FARS2: variants seen among roughly 807,000 people sequenced by gnomAD.
FARS2 encodes phenylalanine--tRNA ligase, mitochondrial.
FARS2 carries 40 observed loss-of-function variants against 46.4 expected under a neutral mutation model. The observed-to-expected ratio is 0.86, with a 90% confidence interval of 0.67 to 1.12. FARS2 has a LOEUF of 1.12. Among genes scored for constraint, FARS2 ranks in the 50% most tolerant of loss-of-function variants. The pLI is 0.00. For missense variants in FARS2, 513 were observed against 567.9 expected (o/e 0.90, Z 0.98); for synonymous variants, 234 against 214.9 (o/e 1.09, Z -0.78).
intron 1 of FARS2, among the ~76,000 whole-genome samples, chr6:5,353,609 G>A (rs1016813110): frequency 4.6e-5 from 7 of 151,496 alleles, no homozygotes; most frequent in African/African-American, 7.3e-5. Flanking sequence ...GTCTCATTGT[G>A]GTTTTGATTT....
At chr6:5,529,369 A>G (rs1769673851) in intron 4 of FARS2, among the ~76,000 whole-genome samples, 1 of 152,140 alleles carries the variant, frequency 6.6e-6, no homozygotes, top group Admixed American at 6.5e-5. Context: ...GTGCAGTGGC[A>G]CAATCTCGGC....
At chr6:5,745,309 C>T (rs777287572) in intron 6 of FARS2, among the ~76,000 whole-genome samples, 38 of 152,254 alleles carry the variant, frequency 2.5e-4, no homozygotes, top group Non-Finnish European at 4.6e-4. Context: ...CCAGCCAGAG[C>T]GCACTAACAG....
intron 5 of FARS2, among the ~76,000 whole-genome samples, chr6:5,610,608 G>A (rs376064052): frequency 6.6e-6 from 1 of 152,308 alleles, no homozygotes; most frequent in East Asian, 1.9e-4. Context: ...TTTGGTAGCT[G>A]TGGGGGCCCT....
At chr6:5,265,306 A>G (rs1765478024) in intron 1 of FARS2, among the ~76,000 whole-genome samples, 1 of 152,252 alleles carries the variant, frequency 6.6e-6, no homozygotes, top group South Asian at 2.1e-4. Flanking sequence ...AGGGTGCTTG[A>G]TCTATTTAGA....
intron 1 of FARS2, among the ~76,000 whole-genome samples, chr6:5,303,998 CCTCT>C (rs1379067702): frequency 7.2e-5 from 11 of 152,032 alleles, no homozygotes; most frequent in African/African-American, 2.7e-4. Context: ...GCTAATGGTC[CCTCT>C]TCCTCCCTGA....
chr6:5,421,760 A>G (rs1288181922), intron 3 of FARS2, among the ~76,000 whole-genome samples: 1 of 152,196 alleles, frequency 6.6e-6, no homozygotes, highest in Non-Finnish European at 1.5e-5. Context: ...CAAGTTCCTC[A>G]TCTCCATCTG....
rs371876782 is a variant in FARS2, at chr6:5,677,351, C to T, written c.1217+64031C>T. On this transcript the variant is annotated intron_variant, in intron 6 of 6. Coordinates refer to ENST00000274680, the MANE Select transcript of FARS2 (RefSeq NM_006567.5). ...TAGCTCCCATTCAAGTTATTTCTTC[C>T]GGCTTTCCTCTCTGGCAAGGTACAA... 1.7e-4 allele frequency among the ~76,000 whole-genome samples: 26 copies of T among 152,312 alleles called. No homozygotes were observed. In the South Asian group the frequency reaches 3.3e-3, roughly 19 times the overall value.
chr6:5,531,508 A>G (rs1398274837), intron 4 of FARS2, among the ~76,000 whole-genome samples: 1 of 152,130 alleles, frequency 6.6e-6, no homozygotes, highest in African/African-American at 2.4e-5. Flanking sequence ...CAGTAAGTTG[A>G]TTAGAATGCC....
intron 6 of FARS2, among the ~76,000 whole-genome samples, chr6:5,723,159 A>G (rs376739613): frequency 1.3e-4 from 20 of 152,268 alleles, no homozygotes; most frequent in African/African-American, 4.8e-4. Flanking sequence ...AGTGAAGGTG[A>G]CAGGCCACGA....
chr6:5,468,051 A>G (rs1765609873), intron 4 of FARS2, among the ~76,000 whole-genome samples: 2 of 152,208 alleles, frequency 1.3e-5, no homozygotes, highest in Non-Finnish European at 2.9e-5. Flanking sequence ...TCAGAGTTGG[A>G]AGGGACCTGA....
chr6:5,706,587 C>T (rs1758781313), intron 6 of FARS2, among the ~76,000 whole-genome samples: 3 of 152,144 alleles, frequency 2.0e-5, no homozygotes, highest in South Asian at 4.1e-4. Flanking sequence ...CTTTTAAACT[C>T]GTGGCTACAT....
At position 5,391,891 on chromosome 6, in the gene FARS2, CT is replaced by C. The variant is rs1760541675; in HGVS notation, c.613-12648del. On this transcript the variant is annotated intron_variant, in intron 2 of 6. Transcript: ENST00000274680. ...GTAATTCCTCAGTAGTTCTGAACTA[CT>C]TTCTGTGGCTTTTGTAAGCAGTTGT... Among the ~76,000 whole-genome samples, 4 of 152,260 alleles carry C rather than the reference CT, an allele frequency of 2.6e-5. No homozygotes were observed. In the South Asian group the frequency reaches 8.3e-4, roughly 32 times the overall value.
chr6:5,462,775 A>G (rs866786027), intron 4 of FARS2, among the ~76,000 whole-genome samples: 2 of 152,206 alleles, frequency 1.3e-5, no homozygotes, highest in African/African-American at 2.4e-5. Context: ...TTCTTTCAAA[A>G]TTCTTTTGGC....
chr6:5,519,567 C>G (rs2150421879), intron 4 of FARS2, among the ~76,000 whole-genome samples: 1 of 152,048 alleles, frequency 6.6e-6, no homozygotes, highest in South Asian at 2.1e-4. Context: ...TGAGTTAGAA[C>G]AAAAATAAGG....
At chr6:5,752,766 G>A (rs983561033) in intron 6 of FARS2, among the ~76,000 whole-genome samples, 2 of 152,154 alleles carry the variant, frequency 1.3e-5, no homozygotes, top group African/African-American at 2.4e-5. Context: ...GAAGGAGCTG[G>A]GGCCCAGGGA....
At chr6:5,600,593 C>T (rs1441875908) in intron 5 of FARS2, among the ~76,000 whole-genome samples, 1 of 152,146 alleles carries the variant, frequency 6.6e-6, no homozygotes, top group Non-Finnish European at 1.5e-5. Context: ...GGCCATCAAA[C>T]ATTTCGATGG....
chr6:5,713,799 G>A (rs1759326272), intron 6 of FARS2, among the ~76,000 whole-genome samples: 1 of 152,150 alleles, frequency 6.6e-6, no homozygotes, highest in Non-Finnish European at 1.5e-5. Flanking sequence ...AGGATGATTC[G>A]GCCCAGGTGT....
At chr6:5,688,511 T>C (rs1757429141) in intron 6 of FARS2, among the ~76,000 whole-genome samples, 1 of 152,230 alleles carries the variant, frequency 6.6e-6, no homozygotes, top group African/African-American at 2.4e-5. Context: ...GTTTATCGAT[T>C]TGCGTATGTT....
intron 5 of FARS2, among the ~76,000 whole-genome samples, chr6:5,572,676 A>T (rs900018088): frequency 6.6e-6 from 1 of 151,992 alleles, no homozygotes; most frequent in Admixed American, 6.6e-5. Flanking sequence ...TCTGACATGA[A>T]ATCCCCCATC....
Sources: gnomAD v4.1 joint callset for allele counts (sites outside exome capture counted in the v4.1 genomes callset) on GRCh38, gnomAD v4.1.1 for gene constraint, MANE v1.5 for transcripts, NCBI Gene and HGNC (gene_info 2026-07-23, HGNC 2026-07-21) for gene names.